Variants in BBS12 observed in about 807,000 individuals in gnomAD.
BBS12 encodes chaperonin-containing T-complex member BBS12.
Under a neutral mutation model 5.6 loss-of-function variants are expected in BBS12, and 5 were observed. That is an observed-to-expected ratio of 0.89 (90% CI 0.46 to 1.86). The LOEUF (loss-of-function observed/expected upper bound fraction) is 1.86. Ranked by LOEUF, BBS12 falls within the 40% of genes most tolerant of loss-of-function variation. The pLI is 0.01. For missense variants in BBS12, 748 were observed against 830.4 expected (o/e 0.90, Z 1.22); for synonymous variants, 308 against 306.8 (o/e 1.00, Z -0.04).
the BBS12 span, among the ~76,000 whole-genome samples, chr4:122,716,685 A>ACACACATGTG: frequency 8.6e-5 from 7 of 81,682 alleles, no homozygotes; most frequent in African/African-American, 4.8e-4. Context: ...ATATATACAC[A>ACACACATGTG]TATGTGTATG....
the BBS12 span, among the ~76,000 whole-genome samples, chr4:122,711,573 A>T: frequency 2.6e-5 from 4 of 152,328 alleles, no homozygotes; most frequent in African/African-American, 7.2e-5. Flanking sequence ...TCCAGTGCCA[A>T]TTATAATCTT....
intron 1 of BBS12, among the ~76,000 whole-genome samples, chr4:122,736,396 A>G (rs1374680526): frequency 6.6e-6 from 1 of 152,188 alleles, no homozygotes; most frequent in Non-Finnish European, 1.5e-5. Context: ...ATAAAAGGCT[A>G]ATCATGCCCA....
At chr4:122,713,439 C>T in the BBS12 span, among the ~76,000 whole-genome samples, 1 of 152,096 alleles carries the variant, frequency 6.6e-6, no homozygotes, top group African/African-American at 2.4e-5. Context: ...CTGCAATATG[C>T]TATGATTGTG....
chr4:122,715,747 A>T, the BBS12 span, among the ~76,000 whole-genome samples: 1 of 152,214 alleles, frequency 6.6e-6, no homozygotes, highest in African/African-American at 2.4e-5. Context: ...TTCCAATAAA[A>T]ACACAGAAAG....
At chr4:122,724,510 A>T in the BBS12 span, among the ~76,000 whole-genome samples, 1 of 152,240 alleles carries the variant, frequency 6.6e-6, no homozygotes, top group Non-Finnish European at 1.5e-5. Context: ...TATAAGATAC[A>T]GTCTCAGACT....
At chr4:122,727,647 G>A in the BBS12 span, among the ~76,000 whole-genome samples, 1 of 145,794 alleles carries the variant, frequency 6.9e-6, no homozygotes, top group Non-Finnish European at 1.5e-5. Context: ...TCCGCCTCCG[G>A]GGTTCAAAAA....
upstream of BBS12, among the ~76,000 whole-genome samples, chr4:122,728,155 CA>C (rs1377314412): frequency 1.7e-4 from 26 of 152,208 alleles, no homozygotes; most frequent in African/African-American, 6.3e-4. Flanking sequence ...TTAACCCAAT[CA>C]CTTCATTTGT....
chr4:122,715,203 T>C, the BBS12 span, among the ~76,000 whole-genome samples: 1 of 151,902 alleles, frequency 6.6e-6, no homozygotes, highest in Non-Finnish European at 1.5e-5. Context: ...AAATGGTCTT[T>C]ACACTTGCTC....
chr4:122,743,115 A>G lies in BBS12; in HGVS notation c.1223A>G (p.Lys408Arg), dbSNP rs1578491064. 1 of 1,614,262 alleles carries G rather than the reference A, an allele frequency of 6.2e-7. No individual in the cohort carries two copies. Among genetic ancestry groups the G allele is most frequent in the Non-Finnish European group, 8.5e-7 (1 of 1,180,040 alleles). ...NHVLQVLIQF[K>R]VNLVLVQGNV... is the part of the protein sequence containing the mutation. Reference sequence around the variant, plus strand: ...GTGTTACAGGTGTTAATCCAGTTCAAGGTGAACCTTGTCCTGGTACAAGGA... The same window carrying G: ...GTGTTACAGGTGTTAATCCAGTTCAGGGTGAACCTTGTCCTGGTACAAGGA... Residue 408 changes from lysine to arginine, a missense_variant, in exon 2 of 2, where the codon AAG (lysine) becomes AGG (arginine). Coordinates refer to ENST00000314218, the MANE Select transcript of BBS12 (RefSeq NM_152618.3).
At chr4:122,708,348 A>G in the BBS12 span, among the ~76,000 whole-genome samples, 8 of 152,152 alleles carry the variant, frequency 5.3e-5, no homozygotes, top group East Asian at 1.5e-3. Context: ...GAGCTCTCCT[A>G]TGAGAGAGCT....
At chr4:122,737,918 G>A (rs1264656052) in intron 1 of BBS12, among the ~76,000 whole-genome samples, 1 of 152,170 alleles carries the variant, frequency 6.6e-6, no homozygotes, top group African/African-American at 2.4e-5. Context: ...CACTCCATGG[G>A]GAAAAGAATT....
chr4:122,733,248 C>G (rs1800727510), intron 1 of BBS12, among the ~76,000 whole-genome samples: 1 of 152,044 alleles, frequency 6.6e-6, no homozygotes, highest in Admixed American at 6.6e-5. Flanking sequence ...AAGCATGGGT[C>G]TTGGGATGTA....
At chr4:122,729,448 G>C (rs1482378430), upstream of BBS12, 3 of 152,184 alleles carry the variant, frequency 2.0e-5, no homozygotes, top group East Asian at 5.8e-4. Context: ...AAATGAGTTA[G>C]AAAATACACA....
chr4:122,710,956 T>A, the BBS12 span, among the ~76,000 whole-genome samples: 7 of 152,142 alleles, frequency 4.6e-5, no homozygotes, highest in Non-Finnish European at 1.0e-4. Context: ...GATTGAGCTG[T>A]CAGAGAACCT....
At chr4:122,717,590 C>T in the BBS12 span, among the ~76,000 whole-genome samples, 18 of 152,258 alleles carry the variant, frequency 1.2e-4, no homozygotes, top group Admixed American at 9.1e-4. Flanking sequence ...AGCGCAGTGG[C>T]GTGATCACGG....
In BBS12 at chr4:122,744,073, CTAA is replaced by C; in HGVS notation, c.*55_*57del. On this transcript the variant is annotated 3_prime_UTR_variant, in exon 2 of 2. Transcript: ENST00000314218. ...AAATAATTTTTCATAATATGTCATG[CTAA>C]TAATAAATATATTGATAGCCAAGTC... is the stretch of plus-strand genomic sequence containing the variant. 6.4e-7 allele frequency: 1 copy of C among 1,558,000 alleles called. No homozygotes were observed. The highest frequency in any genetic ancestry group is 1.4e-5 in the African/African-American group (1 of 73,628).
the BBS12 span, among the ~76,000 whole-genome samples, chr4:122,713,096 A>G: frequency 6.6e-6 from 1 of 152,294 alleles, no homozygotes; most frequent in South Asian, 2.1e-4. Context: ...ATGTGTTTAT[A>G]CATTTCACTT....
chr4:122,725,389 C>A, the BBS12 span, among the ~76,000 whole-genome samples: 3 of 152,142 alleles, frequency 2.0e-5, no homozygotes, highest in Non-Finnish European at 4.4e-5. Context: ...GTCACCACAA[C>A]AGCATGGTAC....
intron 1 of BBS12, among the ~76,000 whole-genome samples, chr4:122,740,196 C>T (rs999363207): frequency 3.9e-5 from 6 of 152,058 alleles, no homozygotes; most frequent in Non-Finnish European, 8.8e-5. Context: ...TCACCTAAGC[C>T]CAGGAGGTCG....
Sources: allele counts gnomAD v4.1 joint callset (sites outside exome capture counted in the v4.1 genomes callset), GRCh38; gene constraint gnomAD v4.1.1; transcripts MANE v1.5; gene names NCBI Gene and HGNC (gene_info 2026-07-23, HGNC 2026-07-21).